Variants in DNAH7 observed in about 807,000 individuals in gnomAD.
DNAH7 encodes the protein dynein axonemal heavy chain 7.
DNAH7 carries 397 observed loss-of-function variants against 444.6 expected under a neutral mutation model. The observed-to-expected ratio is 0.89, with a 90% confidence interval of 0.82 to 0.97. DNAH7 has a LOEUF of 0.97. DNAH7 is among the 50% of genes least tolerant of loss of function. The probability of loss-of-function intolerance (pLI) is 0.00; values close to 1 mark genes in which losing one functional copy is unlikely to be tolerated. For synonymous variants in DNAH7, 1,636 were observed against 1,624.4 expected (o/e 1.01, Z -0.17); for missense variants, 4,902 against 4,800.8 (o/e 1.02, Z -0.62).
intron 47 of DNAH7, among the ~76,000 whole-genome samples, chr2:195,839,314 C>A (rs904083641): frequency 1.3e-5 from 2 of 151,486 alleles, no homozygotes; most frequent in Non-Finnish European, 3.0e-5. Flanking sequence ...TTAGAAAATT[C>A]TTTAAAGGAA....
At chr2:195,926,700 T>G in intron 21 of DNAH7, 134 bp from the exon 22 acceptor site, 2 of 722,778 alleles carry the variant, frequency 2.8e-6, no homozygotes, top group Non-Finnish European at 4.1e-6. Flanking sequence ...AAGACTCACT[T>G]AAACCGTGTG....
intron 48 of DNAH7, among the ~76,000 whole-genome samples, chr2:195,830,147 A>G (rs1039907188): frequency 3.9e-5 from 6 of 152,106 alleles, no homozygotes; most frequent in African/African-American, 1.2e-4. Flanking sequence ...TATCATCAAG[A>G]TTAACAATTT....
At chr2:195,873,925 T>A (rs911655110) in intron 38 of DNAH7, among the ~76,000 whole-genome samples, 2 of 152,174 alleles carry the variant, frequency 1.3e-5, no homozygotes. Flanking sequence ...TTAGACATAA[T>A]CTTGAGTCAA....
chr2:195,792,798 G>A (rs893765032), intron 57 of DNAH7, among the ~76,000 whole-genome samples: 5 of 152,048 alleles, frequency 3.3e-5, no homozygotes, highest in Non-Finnish European at 5.9e-5. Context: ...TGTGGGGGCA[G>A]GGGAGGGATG....
Position 196,026,793 on chromosome 2 carries a change from C to T in DNAH7, c.634G>A (p.Glu212Lys). The T allele has an allele frequency of 6.2e-7, 1 of 1,612,124 alleles. No homozygotes were observed. Among genetic ancestry groups the T allele is most frequent in the Non-Finnish European group, 8.5e-7 (1 of 1,178,770 alleles). ...SIVTLSDEMR[E>K]DYLLSVRKSI... is the part of the protein sequence containing the mutation. Reference sequence around the variant, plus strand: ...TTCCTTACACTAAGAAGATAATCCTCTCTCATTTCATCAGATAATGTAACT... The same window carrying T: ...TTCCTTACACTAAGAAGATAATCCTTTCTCATTTCATCAGATAATGTAACT... The change falls in exon 7 of 65, where the codon GAG becomes AAG. Residue 212 changes from glutamate (E) to lysine (K), a missense_variant. Physicochemically the swap from Glu to Lys is moderately conservative, Grantham distance 56. Transcript: ENST00000312428.
intron 40 of DNAH7, among the ~76,000 whole-genome samples, chr2:195,866,515 A>G (rs545170144): frequency 6.6e-6 from 1 of 152,254 alleles, no homozygotes; most frequent in Admixed American, 6.5e-5. Context: ...ATATTCCTAA[A>G]TTAAGTCAAC....
intron 17 of DNAH7, among the ~76,000 whole-genome samples, chr2:195,965,941 T>C (rs1421850633): frequency 6.6e-6 from 1 of 152,122 alleles, no homozygotes; most frequent in Non-Finnish European, 1.5e-5. Context: ...GTTTTCTTCA[T>C]TGCAATTTTT....
chr2:195,845,091 A>G lies in DNAH7; in HGVS notation c.8856T>C (p.Gly2952=). 1.9e-6 allele frequency: 3 copies of G among 1,613,920 alleles called. No individual in the cohort carries two copies. The highest frequency in any genetic ancestry group is 2.5e-6 in the Non-Finnish European group (3 of 1,179,896). ...GAATTGTCACAGCTTCTCCCAGGGT[A>G]CCCATAAGAGAGCAATCATCTGAGC... ...IPCSDDCSLM[G]TLGEAVTIRT... is the part of the protein sequence containing the mutation. The change falls in exon 47 of 65, where the codon GGT becomes GGC. Residue 2952 remains glycine, a synonymous_variant. Coordinates refer to ENST00000312428, the MANE Select transcript of DNAH7 (RefSeq NM_018897.3).
intron 19 of DNAH7, among the ~76,000 whole-genome samples, chr2:195,937,513 T>C (rs1459506004): frequency 6.6e-6 from 1 of 152,186 alleles, no homozygotes; most frequent in African/African-American, 2.4e-5. Flanking sequence ...TTATCCTGTG[T>C]ATTCAAAATA....
chr2:195,941,710 A>G (rs1434589420), intron 19 of DNAH7, among the ~76,000 whole-genome samples: 1 of 152,176 alleles, frequency 6.6e-6, no homozygotes. Flanking sequence ...AATTGATAAG[A>G]TCCTCATTAA....
At chr2:195,881,171 T>C (rs1701355819) in intron 36 of DNAH7, among the ~76,000 whole-genome samples, 1 of 152,184 alleles carries the variant, frequency 6.6e-6, no homozygotes, top group African/African-American at 2.4e-5. Flanking sequence ...GCTATGTAAC[T>C]ATACTGCCAA....
intron 19 of DNAH7, among the ~76,000 whole-genome samples, chr2:195,940,872 A>G (rs1034084064): frequency 6.6e-6 from 1 of 152,226 alleles, no homozygotes; most frequent in African/African-American, 2.4e-5. Context: ...TCAGGAAACA[A>G]CAGATGCTGG....
At chr2:195,969,747 T>C (rs1574913159) in intron 17 of DNAH7, among the ~76,000 whole-genome samples, 1 of 152,146 alleles carries the variant, frequency 6.6e-6, no homozygotes, top group Non-Finnish European at 1.5e-5. Context: ...AGGAAAAAAA[T>C]GTATCACTAC....
At chr2:195,800,405 T>C (rs1207981075) in intron 54 of DNAH7, among the ~76,000 whole-genome samples, 1 of 152,206 alleles carries the variant, frequency 6.6e-6, no homozygotes, top group Non-Finnish European at 1.5e-5. Context: ...TACTCTAAAG[T>C]AGCTACTTTA....
chr2:195,798,828 G>C (rs181191012), intron 55 of DNAH7, among the ~76,000 whole-genome samples: 585 of 152,130 alleles, frequency 3.8e-3, no homozygotes, highest in Non-Finnish European at 6.4e-3. Flanking sequence ...TTACAGGTGT[G>C]AGCCACCGTG....
intron 55 of DNAH7, 120 bp from the exon 56 acceptor site, chr2:195,796,857 G>T: frequency 2.8e-6 from 3 of 1,053,430 alleles, no homozygotes; most frequent in Non-Finnish European, 2.6e-6. Context: ...GTCTCAAAAA[G>T]CCAAACACAT....
In DNAH7 at chr2:195,832,232, T is replaced by A. The variant is rs921885065; in HGVS notation, c.9100+1974A>T. Among the ~76,000 whole-genome samples the A allele has an allele frequency of 2.0e-5, 3 of 152,298 alleles. No individual in the cohort carries two copies. In the South Asian group the frequency reaches 6.2e-4, roughly 32 times the overall value. ...GAAAACACTAAACTGATAATCTCTA[T>A]GGCCCTTTTGTGTCTAAAATTATGG... is the stretch of plus-strand genomic sequence containing the variant. On this transcript the variant is annotated intron_variant, in intron 48 of 64. Transcript: ENST00000312428.
intron 48 of DNAH7, among the ~76,000 whole-genome samples, chr2:195,828,593 C>CATATATATAT (rs1217210000): frequency 1.5e-5 from 2 of 136,720 alleles, no homozygotes; most frequent in African/African-American, 5.5e-5. Context: ...TCAAAAATAA[C>CATATATATAT]ATATATATAT....
rs772766746 is a variant in DNAH7 at position 196,001,869 on chromosome 2, CA to C, written c.990-12del. 1 of 1,589,416 alleles carries C rather than the reference CA, an allele frequency of 6.3e-7. No individual in the cohort carries two copies. The highest frequency in any genetic ancestry group is 8.5e-7 in the Non-Finnish European group (1 of 1,170,300). On this transcript the variant is annotated splice_polypyrimidine_tract_variant and intron_variant, in intron 10 of 64. Transcript: ENST00000312428. ...ACTTCTGGAAACCACCTTGAAAGAA[CA>C]AAAGACTTTTAAAAGTCAGTGCTTT...
Sources: gnomAD v4.1 joint callset for allele counts (sites outside exome capture counted in the v4.1 genomes callset) on GRCh38, gnomAD v4.1.1 for gene constraint, MANE v1.5 for transcripts, NCBI Gene and HGNC (gene_info 2026-07-23, HGNC 2026-07-21) for gene names.